The following SH3BGRL2 variants were observed in gnomAD, a reference collection of about 807,000 sequenced individuals.
The protein encoded by SH3BGRL2 is SH3 domain binding glutamate rich protein like 2, also known as SH3 domain-binding glutamic acid-rich-like protein 2.
In SH3BGRL2, 21 loss-of-function variants were observed where a neutral mutation model predicts 14.8. The observed-to-expected ratio is 1.42, with a 90% CI of 1.01 to 2.05. The LOEUF (loss-of-function observed/expected upper bound fraction) is 2.05. SH3BGRL2 is among the 30% of genes most tolerant of loss of function. The pLI is 0.00. For synonymous variants in SH3BGRL2, 50 were observed against 47.8 expected (o/e 1.05, Z -0.19); for missense variants, 147 against 130.8 (o/e 1.12, Z -0.61).
chr6:79,664,987 G>T (rs1056040517), intron 1 of SH3BGRL2, among the ~76,000 whole-genome samples: 27 of 152,166 alleles, frequency 1.8e-4, no homozygotes, highest in African/African-American at 6.3e-4. Flanking sequence ...AGATCATGAG[G>T]TCAGGAGTTT....
At chr6:79,649,979 T>TCACACA (rs1420601382) in intron 1 of SH3BGRL2, among the ~76,000 whole-genome samples, 9 of 94,290 alleles carry the variant, frequency 9.5e-5, no homozygotes, top group Non-Finnish European at 9.3e-5. Context: ...TCTCTCTCTC[T>TCACACA]CTCTCTCACA....
At chr6:79,556,511 G>C in the SH3BGRL2 span, among the ~76,000 whole-genome samples, 1 of 151,908 alleles carries the variant, frequency 6.6e-6, no homozygotes, top group Non-Finnish European at 1.5e-5. Flanking sequence ...CAAAAATACT[G>C]AATACTGATA....
At chr6:79,571,773 C>T in the SH3BGRL2 span, among the ~76,000 whole-genome samples, 5 of 152,040 alleles carry the variant, frequency 3.3e-5, no homozygotes, top group African/African-American at 9.7e-5. Context: ...TTAAATAAAA[C>T]ATAATGTATC....
At chr6:79,545,868 A>G in the SH3BGRL2 span, among the ~76,000 whole-genome samples, 2 of 152,190 alleles carry the variant, frequency 1.3e-5, no homozygotes, top group South Asian at 2.1e-4. Flanking sequence ...TTAAACAACA[A>G]CAACAAAGGG....
chr6:79,661,049 C>T (rs951772424), intron 1 of SH3BGRL2, among the ~76,000 whole-genome samples: 5 of 152,156 alleles, frequency 3.3e-5, no homozygotes, highest in Admixed American at 2.6e-4. Context: ...TGCTAGCGGT[C>T]TATCAGTTTT....
chr6:79,537,644 G>C, the SH3BGRL2 span, among the ~76,000 whole-genome samples: 1 of 152,206 alleles, frequency 6.6e-6, no homozygotes, highest in East Asian at 1.9e-4. Flanking sequence ...GGCTCCTACG[G>C]GCTGTGCGGT....
At chr6:79,650,095 G>C (rs1193241327) in intron 1 of SH3BGRL2, among the ~76,000 whole-genome samples, 1 of 151,558 alleles carries the variant, frequency 6.6e-6, no homozygotes, top group Non-Finnish European at 1.5e-5. Context: ...TATGGCTGAA[G>C]ATATAGAGAA....
At chr6:79,657,680 G>C (rs1043007650) in intron 1 of SH3BGRL2, among the ~76,000 whole-genome samples, 13 of 150,708 alleles carry the variant, frequency 8.6e-5, no homozygotes, top group African/African-American at 2.9e-4. Context: ...GCAATGGTGT[G>C]ATCTCGGCTC....
the SH3BGRL2 span, among the ~76,000 whole-genome samples, chr6:79,562,047 C>T: frequency 7.9e-5 from 12 of 152,082 alleles, no homozygotes; most frequent in Non-Finnish European, 1.6e-4. Context: ...GATTACTTCC[C>T]GCAGTTGCTT....
intron 1 of SH3BGRL2, among the ~76,000 whole-genome samples, chr6:79,654,657 C>T (rs1769368307): frequency 6.6e-6 from 1 of 152,182 alleles, no homozygotes; most frequent in South Asian, 2.1e-4. Context: ...TTCTTTTACT[C>T]TCCCTACAAG....
intron 1 of SH3BGRL2, among the ~76,000 whole-genome samples, chr6:79,650,570 A>G (rs1317275063): frequency 6.6e-6 from 1 of 152,166 alleles, no homozygotes; most frequent in East Asian, 1.9e-4. Context: ...CAGGCATCAC[A>G]TGGAGAGAGG....
At chr6:79,682,629 G>T (rs1245945489) in intron 2 of SH3BGRL2, among the ~76,000 whole-genome samples, 1 of 152,196 alleles carries the variant, frequency 6.6e-6, no homozygotes, top group Admixed American at 6.5e-5. Flanking sequence ...ACCTGGGGGG[G>T]CCCAAAGTCA....
At chr6:79,577,889 T>A in the SH3BGRL2 span, among the ~76,000 whole-genome samples, 46 of 152,330 alleles carry the variant, frequency 3.0e-4, no homozygotes, top group Admixed American at 2.9e-3. Context: ...TGTGACAGAC[T>A]ACCTGGGAAA....
chr6:79,649,748 G>C (rs1365897459), intron 1 of SH3BGRL2, among the ~76,000 whole-genome samples: 1 of 152,078 alleles, frequency 6.6e-6, no homozygotes, highest in Admixed American at 6.6e-5. Context: ...GCATGCCTCT[G>C]TTAATGCCAA....
intron 1 of SH3BGRL2, among the ~76,000 whole-genome samples, chr6:79,641,921 A>T (rs1769041167): frequency 6.6e-6 from 1 of 152,218 alleles, no homozygotes; most frequent in Admixed American, 6.5e-5. Context: ...GTATAAGAAC[A>T]TTATAATTTG....
chr6:79,658,759 A>T (rs2127728578), intron 1 of SH3BGRL2, among the ~76,000 whole-genome samples: 1 of 152,322 alleles, frequency 6.6e-6, no homozygotes. Flanking sequence ...ACTCCCACCA[A>T]CAGTGTAAAA....
At chr6:79,647,525 G>A (rs562054384) in intron 1 of SH3BGRL2, among the ~76,000 whole-genome samples, 3 of 152,030 alleles carry the variant, frequency 2.0e-5, no homozygotes, top group Non-Finnish European at 4.4e-5. Flanking sequence ...TGAGTATATG[G>A]CATGATCCTT....
intron 1 of SH3BGRL2, among the ~76,000 whole-genome samples, chr6:79,666,583 T>C (rs966780250): frequency 3.3e-5 from 5 of 152,172 alleles, no homozygotes; most frequent in Admixed American, 6.5e-5. Flanking sequence ...CACTGGAAAG[T>C]TCCTGAGGTC....
At chr6:79,585,002 A>G in the SH3BGRL2 span, among the ~76,000 whole-genome samples, 1 of 151,856 alleles carries the variant, frequency 6.6e-6, no homozygotes, top group Non-Finnish European at 1.5e-5. Context: ...AGAAAACAAA[A>G]TGTGCTATTA....
Sources: allele counts gnomAD v4.1 joint callset (sites outside exome capture counted in the v4.1 genomes callset), GRCh38; gene constraint gnomAD v4.1.1; transcripts MANE v1.5; gene names NCBI Gene and HGNC (gene_info 2026-07-23, HGNC 2026-07-21).